SLC12A7: variants seen among roughly 807,000 people sequenced by gnomAD.
SLC12A7 encodes K-Cl cotransporter 4.
A neutral mutation model predicts 120.6 loss-of-function variants in SLC12A7; 100 were observed. The observed-to-expected ratio is 0.83, with a 90% CI of 0.71 to 0.98. SLC12A7 has a LOEUF of 0.98. Ranked by LOEUF, SLC12A7 falls within the 50% of genes least tolerant of loss-of-function variation. SLC12A7 has a pLI of 0.00. For missense variants in SLC12A7, 1,373 were observed against 1,548.1 expected (o/e 0.89, Z 1.90); for synonymous variants, 760 against 678.0 (o/e 1.12, Z -1.88).
At chr5:1,146,349 G>A in the SLC12A7 span, among the ~76,000 whole-genome samples, 2 of 114,054 alleles carry the variant, frequency 1.8e-5, no homozygotes, top group South Asian at 3.9e-4. The surrounding 1 kb of genome is among the most constrained non-coding windows in gnomAD (Gnocchi z 6.5). Flanking sequence ...CAGTGACCAC[G>A]GACCTCCAGG....
chr5:1,055,143 C>CACAT (rs577806967), intron 22 of SLC12A7, among the ~76,000 whole-genome samples: 2 of 152,010 alleles, frequency 1.3e-5, no homozygotes, highest in African/African-American at 4.8e-5. Context: ...TACGCACACA[C>CACAT]ACATACATGC....
At chr5:1,139,770 G>A in the SLC12A7 span, among the ~76,000 whole-genome samples, 3 of 152,334 alleles carry the variant, frequency 2.0e-5, no homozygotes, top group South Asian at 6.2e-4. Context: ...GGGAAGGTGA[G>A]TAATTCTGAA....
chr5:1,095,320 T>C (rs1269269363), intron 1 of SLC12A7, among the ~76,000 whole-genome samples: 1 of 152,202 alleles, frequency 6.6e-6, no homozygotes, highest in East Asian at 1.9e-4. Flanking sequence ...CACAGGCCAC[T>C]GCAGAGACCA....
the SLC12A7 span, among the ~76,000 whole-genome samples, chr5:1,118,339 G>T: frequency 4.1e-4 from 62 of 152,348 alleles, no homozygotes; most frequent in African/African-American, 1.1e-3. Flanking sequence ...GGTTACATGA[G>T]GGGGAGTCCA....
At chr5:1,098,536 A>G (rs35459015) in intron 1 of SLC12A7, among the ~76,000 whole-genome samples, 524 of 8,644 alleles carry the variant, frequency 0.061, no homozygotes, top group African/African-American at 0.13. Flanking sequence ...CCCTCTGCAC[A>G]CCCAGCCCCC....
chr5:1,108,746 C>T (rs962309502), intron 1 of SLC12A7, among the ~76,000 whole-genome samples: 6 of 152,242 alleles, frequency 3.9e-5, no homozygotes, highest in Non-Finnish European at 7.3e-5. Context: ...GCACCCAGCA[C>T]CCGACAGGCG....
In SLC12A7 at chr5:1,051,226, G is replaced by A. The variant is rs1734999104; in HGVS notation, c.*1134C>T. ...CGCCTCCATGCAAGGCACAGGCCAT[G>A]GCAGGGGACGCCCGGGACTCAGCCA... On this transcript the variant is annotated 3_prime_UTR_variant, in exon 24 of 24. Transcript: ENST00000264930. 2 of 309,008 alleles carry A rather than the reference G, an allele frequency of 6.5e-6. No homozygotes were observed. The highest frequency in any genetic ancestry group is 2.1e-5 in the African/African-American group (1 of 46,640). 19.1% of individuals were successfully genotyped at this position (309,008 alleles called of 1,614,324 possible).
intron 3 of SLC12A7, among the ~76,000 whole-genome samples, chr5:1,090,621 C>T (rs1371041758): frequency 1.3e-5 from 2 of 152,208 alleles, no homozygotes; most frequent in East Asian, 1.9e-4. Context: ...GCTGTGACTT[C>T]CCAGCGAGGC....
intron 1 of SLC12A7, among the ~76,000 whole-genome samples, chr5:1,109,297 G>T (rs1335614354): frequency 6.6e-6 from 1 of 152,134 alleles, no homozygotes; most frequent in African/African-American, 2.4e-5. Flanking sequence ...CACGGAGGAA[G>T]GGTGGGCTCC....
chr5:1,075,547 AGCCACCACCACAC>A, intron 14 of SLC12A7, 57 bp from the exon 15 acceptor site: 1 of 1,570,046 alleles, frequency 6.4e-7, no homozygotes. Flanking sequence ...CCCACACCTC[AGCCACCACCACAC>A]GGACACTGCC....
intron 9 of SLC12A7, among the ~76,000 whole-genome samples, chr5:1,080,586 C>A (rs1327342099): frequency 6.6e-6 from 1 of 152,256 alleles, no homozygotes; most frequent in Non-Finnish European, 1.5e-5. Context: ...CTGCAGGCTG[C>A]ACAAGCAGCC....
At position 1,073,549 on chromosome 5, in the gene SLC12A7, G is replaced by A. The variant is rs547419243; in HGVS notation, c.2241+84C>T. 842 of 1,428,692 alleles carry A rather than the reference G, an allele frequency of 5.9e-4. 3 individuals are homozygous for A. The highest frequency in any genetic ancestry group is 1.8e-3 in the African/African-American group (123 of 68,464). The allele number at this position is 1,428,692 out of a possible 1,614,324, so 88.5% of individuals were successfully genotyped here. A position where few individuals can be genotyped will look rare whatever the true frequency, so the allele number is the denominator to read the frequency against. ...GCCACGCACAGCACCGTGTTGACACGCTGCGATGAGGACATGCCAGGGCAC... is the reference window on the plus strand; with the variant it reads ...GCCACGCACAGCACCGTGTTGACACACTGCGATGAGGACATGCCAGGGCAC... On this transcript the variant is annotated intron_variant, in intron 17 of 23. Transcript: ENST00000264930.
upstream of SLC12A7, among the ~76,000 whole-genome samples, chr5:1,113,671 G>A (rs1743197548): frequency 6.6e-6 from 1 of 152,178 alleles, no homozygotes; most frequent in Admixed American, 6.5e-5. Context: ...GGGTTGGAAG[G>A]TAGGAAACCA....
At chr5:1,133,456 T>TC in the SLC12A7 span, among the ~76,000 whole-genome samples, 1 of 151,746 alleles carries the variant, frequency 6.6e-6, no homozygotes, top group Admixed American at 6.6e-5. Context: ...GAGGGCTGGG[T>TC]GAGGTGGGGG....
Position 1,096,855 on chromosome 5 carries a change from AGG to A in SLC12A7, c.125-2609_125-2608del, listed in dbSNP as rs1561098514. Among the ~76,000 whole-genome samples, 50 of 61,384 alleles carry A rather than the reference AGG, an allele frequency of 8.1e-4. 2 individuals carry two copies. The highest frequency in any genetic ancestry group is 1.6e-3 in the South Asian group (2 of 1,246). 40.3% of individuals were successfully genotyped at this position (61,384 alleles called of 152,430 possible). ...GAAGGAGGGAGGGAGGGAAGGAGGG[AGG>A]GAGGGATGAAGGGAGGGAGGGAGGG... On this transcript the variant is annotated intron_variant, in intron 1 of 23. Transcript: ENST00000264930.
chr5:1,062,447 C>T (rs866602229), intron 20 of SLC12A7, among the ~76,000 whole-genome samples: 26 of 152,222 alleles, frequency 1.7e-4, no homozygotes, highest in Admixed American at 2.6e-4. Flanking sequence ...GCCCAGTGTA[C>T]AAAACTGGGC....
the SLC12A7 span, among the ~76,000 whole-genome samples, chr5:1,141,759 G>A: frequency 6.6e-6 from 1 of 152,244 alleles, no homozygotes; most frequent in African/African-American, 2.4e-5. Flanking sequence ...CGTGGACAAG[G>A]AATAACTCCG....
intron 6 of SLC12A7, 62 bp downstream of exon 6, chr5:1,086,841 G>A: frequency 1.3e-6 from 2 of 1,590,916 alleles, no homozygotes; most frequent in South Asian, 1.1e-5. Flanking sequence ...GGGTCAGGCA[G>A]GGCCCCTTGG....
At chr5:1,060,813 A>G (rs901759483) in intron 20 of SLC12A7, among the ~76,000 whole-genome samples, 2 of 152,032 alleles carry the variant, frequency 1.3e-5, no homozygotes, top group African/African-American at 4.8e-5. Context: ...GTCATTGTCT[A>G]TGCTCAGGGG....
Sources: gnomAD v4.1 joint callset for allele counts (sites outside exome capture counted in the v4.1 genomes callset) on GRCh38, gnomAD v4.1.1 for gene constraint, Gnocchi (gnomAD v3.1) non-coding constraint, MANE v1.5 for transcripts, NCBI Gene and HGNC (gene_info 2026-07-23, HGNC 2026-07-21) for gene names.